The following ECHDC1 variants were observed in gnomAD, a reference collection of about 807,000 sequenced individuals.
The protein encoded by ECHDC1 is ethylmalonyl-CoA decarboxylase 1.
A neutral mutation model predicts 29.7 loss-of-function variants in ECHDC1; 29 were observed. The observed-to-expected ratio is 0.98, with a 90% CI of 0.73 to 1.33. The LOEUF (loss-of-function observed/expected upper bound fraction) is 1.33, where lower values mean the gene tolerates loss of function less well. ECHDC1 is among the 40% of genes most tolerant of loss of function. The probability of loss-of-function intolerance (pLI) is 0.00; values close to 1 mark genes in which losing one functional copy is unlikely to be tolerated. For synonymous variants in ECHDC1, 126 were observed against 123.1 expected, an observed-to-expected ratio of 1.02 and a Z score of -0.15; for missense variants, 328 against 350.0, an observed-to-expected ratio of 0.94 and a Z score of 0.50.
In ECHDC1 at chr6:127,295,129, A is replaced by T. The variant is rs1780494883; in HGVS notation, c.498-4852T>A. The stretch of plus-strand genomic sequence containing the variant: ...AAGCCCAGCTAATTTTTGTATTTTT[A>T]GTATAGACGAGGTTTCACCATGTTG... On this transcript the variant is annotated intron_variant, in intron 5 of 5. Transcript: ENST00000454859. Among the ~76,000 whole-genome samples the T allele has an allele frequency of 2.0e-5, 3 of 151,916 alleles. No homozygotes were observed. The South Asian group carries it at 6.2e-4, about 32-fold the overall frequency.
chr6:127,330,707 C>G, intron 2 of ECHDC1, 102 bp downstream of exon 2: 1 of 937,032 alleles, frequency 1.1e-6, no homozygotes, highest in South Asian at 1.6e-5. Flanking sequence ...ACCAAGAGTA[C>G]AAGGACTTTA....
chr6:127,303,264 T>G (rs1484392134), intron 5 of ECHDC1, among the ~76,000 whole-genome samples: 1 of 36,500 alleles, frequency 2.7e-5, no homozygotes, highest in Non-Finnish European at 1.4e-4. Context: ...TTATAGAATA[T>G]TTAGCTTATA....
chr6:127,331,156 T>C, intron 1 of ECHDC1, 126 bp from the exon 2 acceptor site: 3 of 699,162 alleles, frequency 4.3e-6, no homozygotes, highest in Non-Finnish European at 6.9e-6. Flanking sequence ...CATTTCTTTT[T>C]TTTTTTTTTT....
intron 1 of ECHDC1, among the ~76,000 whole-genome samples, chr6:127,334,684 TA>T (rs1784280852): frequency 1.3e-5 from 2 of 152,122 alleles, no homozygotes; most frequent in Non-Finnish European, 2.9e-5. Flanking sequence ...TTTACCATGC[TA>T]TTTTATATTA....
intron 1 of ECHDC1, among the ~76,000 whole-genome samples, chr6:127,337,494 C>T (rs58222029): frequency 1.7e-4 from 26 of 152,172 alleles, no homozygotes; most frequent in African/African-American, 5.5e-4. Context: ...GAAGCACCCC[C>T]GCTTTAAGTT....
chr6:127,315,427 A>G, intron 4 of ECHDC1: 2 of 267,624 alleles, frequency 7.5e-6, no homozygotes, highest in South Asian at 8.0e-5. Context: ...CCACAGACTA[A>G]TCCTATATAA....
chr6:127,308,605 T>C (rs1328813695), intron 5 of ECHDC1, among the ~76,000 whole-genome samples: 4 of 152,156 alleles, frequency 2.6e-5, no homozygotes, highest in South Asian at 2.1e-4. Context: ...ACAACAAGGA[T>C]GCCTACGTTC....
chr6:127,297,758 A>G (rs896258482), intron 5 of ECHDC1, among the ~76,000 whole-genome samples: 1 of 152,222 alleles, frequency 6.6e-6, no homozygotes, highest in African/African-American at 2.4e-5. Context: ...CCACAGCTGC[A>G]GAGATAAGGA....
chr6:127,291,321 A>G (rs953077641), intron 5 of ECHDC1, among the ~76,000 whole-genome samples: 10 of 145,438 alleles, frequency 6.9e-5, no homozygotes, highest in African/African-American at 2.5e-4. Flanking sequence ...CAGCTATTGC[A>G]GAGCTAGGAT....
In ECHDC1 at chr6:127,327,152, A is replaced by G; in HGVS notation, c.221-8T>C. ...GTTGTAGCATCATAACACCTGCCAG[A>G]GATGGAAGTGGGAAATCACAAATAT... On this transcript the variant is annotated splice_polypyrimidine_tract_variant and splice_region_variant and intron_variant, in intron 2 of 5. Coordinates refer to ENST00000454859, the MANE Select transcript of ECHDC1 (RefSeq NM_001002030.2). 6.2e-7 allele frequency: 1 copy of G among 1,610,100 alleles called. No individual in the cohort carries two copies. The highest frequency in any genetic ancestry group is 8.5e-7 in the Non-Finnish European group (1 of 1,178,374).
At chr6:127,298,395 GTT>G (rs971998254) in intron 5 of ECHDC1, among the ~76,000 whole-genome samples, 7 of 152,160 alleles carry the variant, frequency 4.6e-5, no homozygotes, top group African/African-American at 1.7e-4. Context: ...TTCTAAGGTA[GTT>G]TTGAGAGATT....
intron 1 of ECHDC1, among the ~76,000 whole-genome samples, chr6:127,336,770 A>G (rs1196728394): frequency 2.0e-5 from 3 of 152,236 alleles, no homozygotes; most frequent in Non-Finnish European, 4.4e-5. Flanking sequence ...TACAAATAAA[A>G]TGTTACCAAT....
At chr6:127,341,481 T>G (rs1324359773) in intron 1 of ECHDC1, 1 of 152,250 alleles carries the variant, frequency 6.6e-6, no homozygotes, top group African/African-American at 2.4e-5. Context: ...TTTGGATTTC[T>G]TCCAGAATCA....
chr6:127,331,347 T>C (rs561514551), intron 1 of ECHDC1, among the ~76,000 whole-genome samples: 5 of 152,188 alleles, frequency 3.3e-5, no homozygotes, highest in Admixed American at 2.6e-4. Context: ...GGTTTCACCA[T>C]GTTAACCAGG....
chr6:127,339,567 G>A (rs1217362711), intron 1 of ECHDC1, among the ~76,000 whole-genome samples: 2 of 151,962 alleles, frequency 1.3e-5, no homozygotes, highest in Non-Finnish European at 2.9e-5. Flanking sequence ...GAGGTCAGGA[G>A]TTTGAGACCA....
At chr6:127,297,923 C>T (rs1432308712) in intron 5 of ECHDC1, among the ~76,000 whole-genome samples, 1 of 152,170 alleles carries the variant, frequency 6.6e-6, no homozygotes, top group Non-Finnish European at 1.5e-5. Context: ...CCCTTGCGTC[C>T]ATGCTCCTTA....
At chr6:127,306,350 G>A (rs943136485) in intron 5 of ECHDC1, among the ~76,000 whole-genome samples, 1 of 152,034 alleles carries the variant, frequency 6.6e-6, no homozygotes, top group African/African-American at 2.4e-5. Flanking sequence ...TACAATAATA[G>A]CTAGAGACTT....
chr6:127,316,730 A>T (rs927972572), intron 3 of ECHDC1, among the ~76,000 whole-genome samples: 1 of 152,036 alleles, frequency 6.6e-6, no homozygotes, highest in Non-Finnish European at 1.5e-5. Context: ...ATTAGCAAAG[A>T]TGTAGGGATA....
At position 127,290,661 on chromosome 6, in the gene ECHDC1, A is replaced by T. The variant is rs546523275; in HGVS notation, c.498-384T>A. On this transcript the variant is annotated intron_variant, in intron 5 of 5. Coordinates refer to ENST00000454859, the MANE Select transcript of ECHDC1 (RefSeq NM_001002030.2). ...AAAAGCATAGTAAGTTAAGGTTCTC[A>T]AAAGTCCTTAGTGGGGAAAAATGCT... Among the ~76,000 whole-genome samples the T allele has an allele frequency of 5.1e-4, 78 of 152,182 alleles. 1 individual carries two copies. In the South Asian group the frequency reaches 0.016, roughly 30 times the overall value.
Sources: allele counts gnomAD v4.1 joint callset (sites outside exome capture counted in the v4.1 genomes callset), GRCh38; gene constraint gnomAD v4.1.1; transcripts MANE v1.5; gene names NCBI Gene and HGNC (gene_info 2026-07-23, HGNC 2026-07-21).